TMEM181: variants seen among roughly 807,000 people sequenced by gnomAD.
TMEM181 encodes transmembrane protein 181.
In TMEM181, 39 loss-of-function variants were observed where a neutral mutation model predicts 71.9. The ratio of observed to expected loss-of-function variants is 0.54; its 90% CI spans 0.42 to 0.71. The LOEUF (loss-of-function observed/expected upper bound fraction) is 0.71, where lower values mean the gene tolerates loss of function less well. TMEM181 is among the 30% of genes least tolerant of loss of function. The pLI is 0.00. For missense variants in TMEM181, 595 were observed against 583.0 expected (o/e 1.02, Z -0.21); for synonymous variants, 245 against 228.8 (o/e 1.07, Z -0.64).
intron 1 of TMEM181, among the ~76,000 whole-genome samples, chr6:158,567,854 A>G (rs1327768611): frequency 6.6e-5 from 10 of 151,836 alleles, no homozygotes; most frequent in Admixed American, 6.6e-4. Flanking sequence ...TTCACATAGG[A>G]TATGTGCAGG....
intron 1 of TMEM181, among the ~76,000 whole-genome samples, chr6:158,545,704 G>C (rs1420664548): frequency 6.6e-6 from 1 of 151,362 alleles, no homozygotes; most frequent in Non-Finnish European, 1.5e-5. Flanking sequence ...TTTTAGAGAT[G>C]GGGTCTCACT....
At chr6:158,608,163 C>G (rs1039049495) in intron 8 of TMEM181, among the ~76,000 whole-genome samples, 170 bp from the exon 9 acceptor site, 1 of 152,148 alleles carries the variant, frequency 6.6e-6, no homozygotes, top group Non-Finnish European at 1.5e-5. Context: ...GGGGTGCTCT[C>G]TGCTAGGTGC....
intron 6 of TMEM181, among the ~76,000 whole-genome samples, chr6:158,594,938 A>G (rs1172478161): frequency 1.3e-5 from 2 of 152,190 alleles, no homozygotes; most frequent in Admixed American, 1.3e-4. Context: ...CCAGCCTCTC[A>G]AAGTGCTGGG....
At position 158,623,570 on chromosome 6, in the gene TMEM181, C is replaced by CA; in HGVS notation, c.919dup (p.Met307AsnfsTer7). ...TTTAGAGTTAACGAATTACATGATC[C>CA]AATGTACCAGTATCGAGTTGATACC... On this transcript the variant is annotated frameshift_variant, in exon 11 of 17. Coordinates refer to ENST00000684151, the MANE Select transcript of TMEM181 (RefSeq NM_001376852.1). LOFTEE classifies it high-confidence loss of function. 6.3e-7 allele frequency: 1 copy of CA among 1,576,830 alleles called. No homozygotes were observed. Among genetic ancestry groups the CA allele is most frequent in the Non-Finnish European group, 8.6e-7 (1 of 1,158,618 alleles).
intron 10 of TMEM181, among the ~76,000 whole-genome samples, chr6:158,622,868 C>T (rs1021884568): frequency 2.0e-5 from 3 of 152,154 alleles, no homozygotes; most frequent in Admixed American, 6.5e-5. Flanking sequence ...TTCCACTGTC[C>T]ACCGATGCTC....
rs1209244863 is a variant in TMEM181 at position 158,571,492 on chromosome 6, G to T, written c.9-1928G>T. On this transcript the variant is annotated intron_variant, in intron 1 of 16. Coordinates refer to ENST00000684151, the MANE Select transcript of TMEM181 (RefSeq NM_001376852.1). The stretch of plus-strand genomic sequence containing the variant: ...TTTTTGTATTTTTAGTAGAGACGGG[G>T]TTTCATCGTGTTGGCCAGGATGGTC... Among the ~76,000 whole-genome samples, 67 of 139,592 alleles carry T rather than the reference G, an allele frequency of 4.8e-4. 11 individuals carry two copies. Among genetic ancestry groups the T allele is most frequent in the Non-Finnish European group, 8.2e-4 (51 of 62,160 alleles). The allele number at this position is 139,592 out of a possible 152,430, so 91.6% of individuals were successfully genotyped here.
chr6:158,623,676 G>A, intron 11 of TMEM181, 69 bp downstream of exon 11: 1 of 1,150,248 alleles, frequency 8.7e-7, no homozygotes, highest in Non-Finnish European at 1.3e-6. Flanking sequence ...TGAATTTTGT[G>A]ACTTAAATTG....
rs1470507030 is a variant in TMEM181, at chr6:158,632,115, A to G, written c.*227A>G. The G allele has an allele frequency of 3.8e-6, 2 of 529,306 alleles. No individual in the cohort carries two copies. The highest frequency in any genetic ancestry group is 3.2e-5 in the Admixed American group (1 of 30,878). The allele number at this position is 529,306 out of a possible 1,614,324, so 32.8% of individuals were successfully genotyped here. A position where few individuals can be genotyped will look rare whatever the true frequency, so the allele number is the denominator to read the frequency against. The stretch of plus-strand genomic sequence containing the variant: ...AGAGGCATTGATAACAAGTTTCAAC[A>G]GCCAAATCCTTTTTTACAGAGATTT... On this transcript the variant is annotated 3_prime_UTR_variant, in exon 17 of 17. Transcript: ENST00000684151.
intron 1 of TMEM181, among the ~76,000 whole-genome samples, chr6:158,564,007 A>C (rs1447180654): frequency 1.3e-5 from 2 of 152,152 alleles, no homozygotes; most frequent in Non-Finnish European, 2.9e-5. Context: ...TGAACTCCTG[A>C]CCTCAGGTGA....
chr6:158,616,495 G>T (rs1469483812), intron 10 of TMEM181, among the ~76,000 whole-genome samples: 3 of 152,098 alleles, frequency 2.0e-5, no homozygotes, highest in Non-Finnish European at 2.9e-5. Flanking sequence ...CTGCCTGACT[G>T]CCCGGGCCAG....
chr6:158,611,536 C>G (rs2128320110), intron 10 of TMEM181: 1 of 466,324 alleles, frequency 2.1e-6, no homozygotes, highest in East Asian at 5.9e-5. Flanking sequence ...CGAGAACTAT[C>G]TTTGGAATCA....
chr6:158,612,391 T>G (rs1326584914), intron 10 of TMEM181, among the ~76,000 whole-genome samples: 9 of 152,194 alleles, frequency 5.9e-5, no homozygotes, highest in Non-Finnish European at 1.5e-5. Flanking sequence ...AGTCCCTTGG[T>G]CTCGGATTGA....
upstream of TMEM181, among the ~76,000 whole-genome samples, chr6:158,558,493 C>T (rs1781986480): frequency 6.6e-6 from 1 of 152,154 alleles, no homozygotes; most frequent in Non-Finnish European, 1.5e-5. Context: ...CGTGGTTAGA[C>T]AACATTTATG....
At chr6:158,610,631 G>C (rs964723580) in intron 10 of TMEM181, 1 of 335,788 alleles carries the variant, frequency 3.0e-6, no homozygotes, top group African/African-American at 2.2e-5. Context: ...CGAGCTTCTG[G>C]AGAAGTGAAA....
At chr6:158,605,130 A>AGTGGGTG in intron 6 of TMEM181, 137 bp from the exon 7 acceptor site, 2 of 210,870 alleles carry the variant, frequency 9.5e-6, no homozygotes, top group South Asian at 5.2e-5. Context: ...AAAAAAAAAA[A>AGTGGGTG]AGTGTGTGTG....
chr6:158,573,543 C>T lies in TMEM181; in HGVS notation c.112+20C>T. 6.3e-7 allele frequency: 1 copy of T among 1,582,586 alleles called. No homozygotes were observed. The highest frequency in any genetic ancestry group is 8.6e-7 in the Non-Finnish European group (1 of 1,163,786). On this transcript the variant is annotated intron_variant, in intron 2 of 16. Coordinates refer to ENST00000684151, the MANE Select transcript of TMEM181 (RefSeq NM_001376852.1). ...TCAGAGGTAAGGTTCGGTTTTTACT[C>T]ATTGAATCTTTTGCCATGCGCGGTG...
chr6:158,617,852 A>T (rs1785704880), intron 10 of TMEM181, among the ~76,000 whole-genome samples: 1 of 152,186 alleles, frequency 6.6e-6, no homozygotes, highest in Admixed American at 6.5e-5. Flanking sequence ...ACAGTTTGTT[A>T]TAATTTCTGT....
At chr6:158,621,360 T>G (rs1240700410) in intron 10 of TMEM181, 1 of 176,188 alleles carries the variant, frequency 5.7e-6, no homozygotes, top group East Asian at 1.5e-4. Context: ...TGGCAGTGTT[T>G]GTCCAAGATG....
At chr6:158,539,122 G>T (rs1440623120) in intron 1 of TMEM181, among the ~76,000 whole-genome samples, 1 of 152,332 alleles carries the variant, frequency 6.6e-6, no homozygotes, top group African/African-American at 2.4e-5. Flanking sequence ...CACTTCCTTA[G>T]TTGAGTTGGA....
Sources: allele counts gnomAD v4.1 joint callset (sites outside exome capture counted in the v4.1 genomes callset), GRCh38; gene constraint gnomAD v4.1.1; transcripts MANE v1.5; gene names NCBI Gene and HGNC (gene_info 2026-07-23, HGNC 2026-07-21).